Variants in GLT8D2 observed in about 807,000 individuals in gnomAD.
GLT8D2 encodes glycosyltransferase 8 domain-containing protein 2.
Under a neutral mutation model 44.5 loss-of-function variants are expected in GLT8D2, and 45 were observed. The ratio of observed to expected loss-of-function variants is 1.01; its 90% CI spans 0.80 to 1.30. GLT8D2 has a LOEUF of 1.30. Ranked by LOEUF, GLT8D2 falls within the 50% of genes most tolerant of loss-of-function variation. The probability of loss-of-function intolerance (pLI) is 0.00; values close to 1 mark genes in which losing one functional copy is unlikely to be tolerated. For missense variants in GLT8D2, 400 were observed against 430.4 expected (o/e 0.93, Z 0.62); for synonymous variants, 156 against 157.2 (o/e 0.99, Z 0.06).
At chr12:104,010,921 GC>G (rs1875750771) in intron 4 of GLT8D2, among the ~76,000 whole-genome samples, 1 of 152,214 alleles carries the variant, frequency 6.6e-6, no homozygotes, top group African/African-American at 2.4e-5. Flanking sequence ...TCAGACGGAG[GC>G]CTTCAGCAGA....
At chr12:104,062,362 C>A (rs1298337484) in intron 1 of GLT8D2, among the ~76,000 whole-genome samples, 1 of 151,906 alleles carries the variant, frequency 6.6e-6, no homozygotes, top group Non-Finnish European at 1.5e-5. Context: ...TGTGAGCCAC[C>A]GCACCCGTCC....
chr12:103,994,238 CTG>C, intron 9 of GLT8D2, 95 bp downstream of exon 9: 1 of 1,185,628 alleles, frequency 8.4e-7, no homozygotes, highest in Non-Finnish European at 1.2e-6. Context: ...CCTGAGATGA[CTG>C]TGAAATATTT....
At chr12:104,037,494 C>T (rs1250308902) in intron 1 of GLT8D2, among the ~76,000 whole-genome samples, 3 of 151,926 alleles carry the variant, frequency 2.0e-5, no homozygotes, top group Admixed American at 6.6e-5. Flanking sequence ...ACCGATAGTA[C>T]CATCAGAGAA....
chr12:103,995,552 C>T (rs1006508893), intron 8 of GLT8D2, among the ~76,000 whole-genome samples: 4 of 152,202 alleles, frequency 2.6e-5, no homozygotes, highest in African/African-American at 9.7e-5. Context: ...ACAGCCCTGC[C>T]TCCACCCCAA....
intron 1 of GLT8D2, among the ~76,000 whole-genome samples, chr12:104,039,954 T>C (rs1036681699): frequency 1.3e-5 from 2 of 152,174 alleles, no homozygotes; most frequent in African/African-American, 4.8e-5. Flanking sequence ...CACCATGGAA[T>C]ACTATGCAGC....
intron 10 of GLT8D2, among the ~76,000 whole-genome samples, chr12:103,992,011 CA>C (rs1872799568): frequency 6.6e-6 from 1 of 152,080 alleles, no homozygotes; most frequent in African/African-American, 2.4e-5. Flanking sequence ...GGTCTGAAAA[CA>C]AAAGGTTTTT....
intron 4 of GLT8D2, chr12:104,014,159 T>C (rs892119466): frequency 5.1e-6 from 3 of 590,428 alleles, no homozygotes; most frequent in Non-Finnish European, 9.2e-6. Context: ...AGCCCAGGAG[T>C]TCAAGATGAA....
chr12:104,049,491 T>G lies in GLT8D2; in HGVS notation c.-164+404A>C, dbSNP rs151130378. ...CCTCAGAACAGCTTCCTAAGGCAGA[T>G]TCTGAAAACATGAATCATGCTCAGT... is the stretch of plus-strand genomic sequence containing the variant. On this transcript the variant is annotated intron_variant, in intron 1 of 10. Transcript: ENST00000360814. The G allele has an allele frequency of 3.0e-4, 46 of 152,336 alleles. 1 individual carries two copies. Among genetic ancestry groups the G allele is most frequent in the Non-Finnish European group, 5.4e-4 (37 of 68,028 alleles). The allele number at this position is 152,336 out of a possible 1,614,324, so 9.4% of individuals were successfully genotyped here.
At chr12:104,051,760 A>T (rs985832888), upstream of GLT8D2, among the ~76,000 whole-genome samples, 4 of 151,840 alleles carry the variant, frequency 2.6e-5, no homozygotes, top group Non-Finnish European at 5.9e-5. Flanking sequence ...TTTTTTTTTA[A>T]CTAAGTCTTT....
At chr12:104,045,346 C>T (rs564056707) in intron 1 of GLT8D2, among the ~76,000 whole-genome samples, 6 of 152,228 alleles carry the variant, frequency 3.9e-5, no homozygotes, top group East Asian at 1.9e-4. Flanking sequence ...TAGTGACTTC[C>T]GTGTGTGTGG....
At chr12:103,998,416 AT>A (rs939165836) in intron 6 of GLT8D2, among the ~76,000 whole-genome samples, 80 of 148,226 alleles carry the variant, frequency 5.4e-4, no homozygotes, top group South Asian at 1.3e-3. Context: ...TTAAAAAAAA[AT>A]TTTTTTTTTT....
rs1872439650 is a variant in GLT8D2, at chr12:103,989,484, CTA to C, written c.972_973del (p.Ser325CysfsTer13). ...GCTTTCCCATAAGTCGTTGTGAACA[CTA>C]GGGAAGTCCCAAGGTTTATGTCTTC... On this transcript the variant is annotated frameshift_variant, in exon 11 of 11. Coordinates refer to ENST00000360814, the MANE Select transcript of GLT8D2 (RefSeq NM_001384711.1). LOFTEE classifies it high-confidence loss of function. The C allele has an allele frequency of 6.2e-7, 1 of 1,613,568 alleles. No homozygotes were observed. Among genetic ancestry groups the C allele is most frequent in the African/African-American group, 1.3e-5 (1 of 74,882 alleles).
chr12:104,029,765 A>C (rs1879032410), intron 1 of GLT8D2: 1 of 152,156 alleles, frequency 6.6e-6, no homozygotes, highest in African/African-American at 2.4e-5. Context: ...CTAGGGAAAT[A>C]ACTCCATCTC....
chr12:104,041,853 G>A (rs1880596294), intron 1 of GLT8D2, among the ~76,000 whole-genome samples: 1 of 152,178 alleles, frequency 6.6e-6, no homozygotes, highest in Non-Finnish European at 1.5e-5. Context: ...TATTGTTTTA[G>A]CATCAAGGAG....
chr12:104,051,413 T>G (rs1881714854), upstream of GLT8D2, among the ~76,000 whole-genome samples: 1 of 152,194 alleles, frequency 6.6e-6, no homozygotes, highest in Admixed American at 6.5e-5. Flanking sequence ...ATATAAAACA[T>G]TATTAAGAAG....
chr12:104,040,367 T>G (rs1880397686), intron 1 of GLT8D2, among the ~76,000 whole-genome samples: 1 of 152,096 alleles, frequency 6.6e-6, no homozygotes, highest in African/African-American at 2.4e-5. Flanking sequence ...TCACTGTTAT[T>G]CAAATGAGTC....
chr12:104,046,142 TAGAC>T (rs1234199234), intron 1 of GLT8D2, among the ~76,000 whole-genome samples: 20 of 152,198 alleles, frequency 1.3e-4, no homozygotes, highest in African/African-American at 4.3e-4. Context: ...GCTTTATCCT[TAGAC>T]AGAGCTGACT....
chr12:104,007,293 C>G (rs1875196349), intron 4 of GLT8D2, among the ~76,000 whole-genome samples: 1 of 131,168 alleles, frequency 7.6e-6, no homozygotes, highest in Non-Finnish European at 1.6e-5. Context: ...CTGCTCTCTC[C>G]CCCTCCCCCT....
intron 8 of GLT8D2, among the ~76,000 whole-genome samples, chr12:103,996,351 C>A (rs2136277854): frequency 6.6e-6 from 1 of 152,314 alleles, no homozygotes; most frequent in South Asian, 2.1e-4. Flanking sequence ...CAGAAAACAT[C>A]ATCTCTGACA....
Sources: gnomAD v4.1 joint callset for allele counts (sites outside exome capture counted in the v4.1 genomes callset) on GRCh38, gnomAD v4.1.1 for gene constraint, MANE v1.5 for transcripts, NCBI Gene and HGNC (gene_info 2026-07-23, HGNC 2026-07-21) for gene names.